Variants in F5 observed in about 807,000 individuals in gnomAD.
F5 encodes coagulation factor V.
F5 carries 138 observed loss-of-function variants against 216.4 expected under a neutral mutation model. That is an observed-to-expected ratio of 0.64 (90% confidence interval 0.56 to 0.73). The LOEUF (loss-of-function observed/expected upper bound fraction) is 0.73. F5 is among the 30% of genes least tolerant of loss of function. The probability of loss-of-function intolerance (pLI) is 0.00; values close to 1 mark genes in which losing one functional copy is unlikely to be tolerated. For synonymous variants in F5, 916 were observed against 930.7 expected, an observed-to-expected ratio of 0.98 and a Z score of 0.29; for missense variants, 2,403 against 2,674.0, an observed-to-expected ratio of 0.90 and a Z score of 2.24.
intron 2 of F5, among the ~76,000 whole-genome samples, chr1:169,579,303 C>T (rs1336931313): frequency 6.6e-6 from 1 of 152,162 alleles, no homozygotes; most frequent in Non-Finnish European, 1.5e-5. Context: ...TCTCAAGCTC[C>T]TTGGTAAACT....
chr1:169,514,159 T>A lies in F5; in HGVS notation c.*154A>T, dbSNP rs904428540. On this transcript the variant is annotated 3_prime_UTR_variant, in exon 25 of 25. Coordinates refer to ENST00000367797, the MANE Select transcript of F5 (RefSeq NM_000130.5). Reference sequence around the variant, plus strand: ...TTACTGGTAGCAAGGAGTTACATTATAAAAGCTTCTTGTATAAAATTTTAT... The same window carrying A: ...TTACTGGTAGCAAGGAGTTACATTAAAAAAGCTTCTTGTATAAAATTTTAT... The A allele has an allele frequency of 4.1e-6, 3 of 738,778 alleles. No homozygotes were observed. Among genetic ancestry groups the A allele is most frequent in the Admixed American group, 2.6e-5 (1 of 39,172 alleles). 45.8% of individuals were successfully genotyped at this position (738,778 alleles called of 1,614,324 possible). A position where few individuals can be genotyped will look rare whatever the true frequency, so the allele number is the denominator to read the frequency against.
intron 5 of F5, among the ~76,000 whole-genome samples, chr1:169,558,500 A>G (rs2101831497): frequency 6.6e-6 from 1 of 152,306 alleles, no homozygotes; most frequent in South Asian, 2.1e-4. Context: ...TTATTTAGTA[A>G]AGTGGCATTT....
rs1204697015 is a variant in F5, at chr1:169,568,415, AC to A, written c.373+3805del. On this transcript the variant is annotated intron_variant, in intron 3 of 24. Transcript: ENST00000367797. ...TATTTTACCTTTAGTCTAGAATAAA[AC>A]AGGTTTGTTGTATCTTTGATTTTAC... 5.9e-5 allele frequency among the ~76,000 whole-genome samples: 9 copies of A among 152,252 alleles called. No individual in the cohort carries two copies. The East Asian group carries it at 1.7e-3, about 29-fold the overall frequency.
chr1:169,549,439 G>C (rs1373394464), intron 10 of F5, among the ~76,000 whole-genome samples: 1 of 152,072 alleles, frequency 6.6e-6, no homozygotes, highest in Admixed American at 6.6e-5. Flanking sequence ...GTATCTCACT[G>C]AACCCCCAAA....
chr1:169,530,683 G>T, intron 15 of F5, 103 bp downstream of exon 15: 3 of 1,077,976 alleles, frequency 2.8e-6, no homozygotes, highest in Non-Finnish European at 4.3e-6. Flanking sequence ...CTCATGAAAA[G>T]CAAGACAGAC....
chr1:169,571,524 AG>A (rs1179281124), intron 3 of F5, among the ~76,000 whole-genome samples: 6 of 152,144 alleles, frequency 3.9e-5, no homozygotes, highest in Non-Finnish European at 8.8e-5. Flanking sequence ...TATGTCCAAA[AG>A]TCTAATACTA....
At chr1:169,515,422 C>T (rs933480516) in intron 24 of F5, 22 bp downstream of exon 24, 6 of 1,612,278 alleles carry the variant, frequency 3.7e-6, no homozygotes, top group Non-Finnish European at 5.1e-6. Context: ...ATTGCTTTCT[C>T]TTTGCCCAGA....
intron 14 of F5, among the ~76,000 whole-genome samples, chr1:169,533,051 T>C (rs995794832): frequency 4.6e-5 from 7 of 151,586 alleles, no homozygotes; most frequent in Non-Finnish European, 1.0e-4. Context: ...TGAAACAGAA[T>C]AAAGAACCCA....
At chr1:169,581,107 G>A (rs1181464090) in intron 2 of F5, among the ~76,000 whole-genome samples, 1 of 152,132 alleles carries the variant, frequency 6.6e-6, no homozygotes, top group Non-Finnish European at 1.5e-5. Context: ...TCGAACCCTG[G>A]GGAAGAATAT....
At position 169,541,829 on chromosome 1, in the gene F5, G is replaced by C. The variant is rs886045549; in HGVS notation, c.3261C>G (p.Pro1087=). Reference sequence around the variant, plus strand: ...AGGCTATCCAGCCAAAATCCATAGAGGGCAATGTCTGATTGAGGTCTGTGG... The same window carrying C: ...AGGCTATCCAGCCAAAATCCATAGACGGCAATGTCTGATTGAGGTCTGTGG... ...SLPTDLNQTL[P]SMDFGWIASL... The change falls in exon 13 of 25, where the codon CCC becomes CCG. Residue 1087 remains proline, a synonymous_variant. Coordinates refer to ENST00000367797, the MANE Select transcript of F5 (RefSeq NM_000130.5). 1 of 1,614,092 alleles carries C rather than the reference G, an allele frequency of 6.2e-7. No homozygotes were observed. The highest frequency in any genetic ancestry group is 1.7e-4 in the Middle Eastern group (1 of 6,060).
At position 169,528,284 on chromosome 1, in the gene F5, T is replaced by C. The variant is rs1571564431; in HGVS notation, c.5420-190A>G. 2.0e-5 allele frequency among the ~76,000 whole-genome samples: 3 copies of C among 152,208 alleles called. No homozygotes were observed. The East Asian group carries it at 5.8e-4, about 29-fold the overall frequency. ...GAGGCTAAAGCAGAACCACTAGTCCTTCTCATATCATTCACACCAGCCTAC... is the reference window on the plus strand; with the variant it reads ...GAGGCTAAAGCAGAACCACTAGTCCCTCTCATATCATTCACACCAGCCTAC... On this transcript the variant is annotated intron_variant, in intron 16 of 24. Transcript: ENST00000367797.
chr1:169,546,451 T>C lies in F5; in HGVS notation c.1753A>G (p.Ile585Val), dbSNP rs764387790. The C allele has an allele frequency of 1.2e-6, 2 of 1,614,154 alleles. No individual in the cohort carries two copies. The highest frequency in any genetic ancestry group is 1.1e-5 in the South Asian group (1 of 91,078). Residue 585 changes from isoleucine (I) to valine (V), a missense_variant, in exon 11 of 25, where the codon ATC becomes GTC. By Grantham distance (29) the Ile-to-Val change is conservative. Around this residue, in one of 4 missense-constraint regions of F5, gnomAD observed 1,425 missense variants for 1,554.8 expected, o/e 0.92. Coordinates refer to ENST00000367797, the MANE Select transcript of F5 (RefSeq NM_000130.5). Reference protein sequence around the residue: ...RDDPKFYESNIMSTINGYVPE... With the variant: ...RDDPKFYESNVMSTINGYVPE... ...TAGTACTCTGACTTACTGCTCATGATGTTTGATTCATAAAACTTGGGGTCA... is the reference window on the plus strand; with the variant it reads ...TAGTACTCTGACTTACTGCTCATGACGTTTGATTCATAAAACTTGGGGTCA...
Position 169,527,978 on chromosome 1 carries a change from C to A in F5, c.5536G>T (p.Gly1846Cys), listed in dbSNP as rs768791906. The change falls in exon 17 of 25, where the codon GGC (glycine) becomes TGC (cysteine). Residue 1846 changes from glycine (G) to cysteine (C), a missense_variant. By Grantham distance (159) the Gly-to-Cys change is radical. This residue lies in a region of F5 where 659 missense variants were observed against 787.9 expected (regional missense o/e 0.84). Coordinates refer to ENST00000367797, the MANE Select transcript of F5 (RefSeq NM_000130.5). ...SQDIHVVHFH[G>C]QTLLENGNKQ... ...TTGCCATTTTCCAGCAAGGTCTGGCCGTGAAAGTGAACCACGTGAATGTCT... is the reference window on the plus strand; with the variant it reads ...TTGCCATTTTCCAGCAAGGTCTGGCAGTGAAAGTGAACCACGTGAATGTCT... The A allele has an allele frequency of 1.9e-6, 3 of 1,613,758 alleles. No individual in the cohort carries two copies. The highest frequency in any genetic ancestry group is 2.2e-5 in the East Asian group (1 of 44,860).
intron 15 of F5, 100 bp from the exon 16 acceptor site, chr1:169,529,918 C>T (rs1253657781): frequency 3.2e-6 from 3 of 940,532 alleles, no homozygotes; most frequent in Non-Finnish European, 3.4e-6. Context: ...CTGATAGGCT[C>T]TGAATTTGAA....
At chr1:169,579,534 T>C (rs1420618169) in intron 2 of F5, among the ~76,000 whole-genome samples, 1 of 152,196 alleles carries the variant, frequency 6.6e-6, no homozygotes, top group Non-Finnish European at 1.5e-5. Context: ...TAGGTAGATA[T>C]TCTATACACA....
intron 10 of F5, among the ~76,000 whole-genome samples, chr1:169,548,312 C>G (rs1257839864): frequency 6.6e-6 from 1 of 151,494 alleles, no homozygotes; most frequent in African/African-American, 2.4e-5. Flanking sequence ...ACCTATGTAA[C>G]AAACCTGCAC....
intron 18 of F5, 111 bp downstream of exon 18, chr1:169,525,790 C>G: frequency 1.2e-6 from 1 of 836,072 alleles, no homozygotes; most frequent in Non-Finnish European, 2.1e-6. Context: ...CAAATTATGC[C>G]TTTGTCACAT....
Position 169,556,876 on chromosome 1 carries a change from G to T in F5, c.731-9C>A, listed in dbSNP as rs761266037. 4 of 1,612,396 alleles carry T rather than the reference G, an allele frequency of 2.5e-6. No individual in the cohort carries two copies. The African/African-American group carries it at 5.3e-5, about 22-fold the overall frequency. ...GGCACAAACTGTTATATCTGAGAAA[G>T]AGGGAGAGACACAGGCCAAAATAAG... On this transcript the variant is annotated splice_polypyrimidine_tract_variant and intron_variant, in intron 5 of 24. Coordinates refer to ENST00000367797, the MANE Select transcript of F5 (RefSeq NM_000130.5).
chr1:169,541,512 A>G lies in F5; in HGVS notation c.3578T>C (p.Val1193Ala). The change falls in exon 13 of 25, where the codon GTG becomes GCG. Residue 1193 changes from valine (V) to alanine (A), a missense_variant. Coordinates refer to ENST00000367797, the MANE Select transcript of F5 (RefSeq NM_000130.5). The part of the protein sequence containing the change: ...QTVISPDLSQ[V>A]TLSPELSQTN... Reference sequence around the variant, plus strand: ...CTGGCTGAGTTCTGGAGAGAGGGTCACCTGGCTGAGGTCTGGAGAGATGAC... The same window carrying G: ...CTGGCTGAGTTCTGGAGAGAGGGTCGCCTGGCTGAGGTCTGGAGAGATGAC... The G allele has an allele frequency of 6.2e-7, 1 of 1,613,482 alleles. No individual in the cohort carries two copies. The highest frequency in any genetic ancestry group is 2.2e-5 in the East Asian group (1 of 44,838).
Sources: allele counts gnomAD v4.1 joint callset (sites outside exome capture counted in the v4.1 genomes callset), GRCh38; gene constraint gnomAD v4.1.1; regional missense constraint gnomAD v4.1.1; transcripts MANE v1.5; gene names NCBI Gene and HGNC (gene_info 2026-07-23, HGNC 2026-07-21).